SIPA1L1: variants seen among roughly 807,000 people sequenced by gnomAD.
SIPA1L1 encodes the protein signal induced proliferation associated 1 like 1.
In SIPA1L1, 26 loss-of-function variants were observed where a neutral mutation model predicts 162.7. The ratio of observed to expected loss-of-function variants is 0.16; its 90% CI spans 0.12 to 0.22. The LOEUF (loss-of-function observed/expected upper bound fraction) is 0.22, where lower values mean the gene tolerates loss of function less well. Among genes scored for constraint, SIPA1L1 ranks in the 10% least tolerant of loss-of-function variants. The pLI is 1.00. For synonymous variants in SIPA1L1, 829 were observed against 837.4 expected (o/e 0.99, Z 0.17); for missense variants, 1,874 against 2,241.0 (o/e 0.84, Z 3.31).
At chr14:71,424,389 T>C (rs938390002) in intron 2 of SIPA1L1, among the ~76,000 whole-genome samples, 2 of 152,152 alleles carry the variant, frequency 1.3e-5, no homozygotes, top group African/African-American at 4.8e-5. Flanking sequence ...ACTTTCATTA[T>C]AGACATGATG....
At chr14:71,490,111 T>C (rs998071007) in intron 2 of SIPA1L1, among the ~76,000 whole-genome samples, 2 of 152,198 alleles carry the variant, frequency 1.3e-5, no homozygotes, top group African/African-American at 4.8e-5. Context: ...AGTGAACATA[T>C]ATTGAGCTTG....
At position 71,408,048 on chromosome 14, in the gene SIPA1L1, G is replaced by A. The variant is rs566520634; in HGVS notation, c.-465+86867G>A. On this transcript the variant is annotated intron_variant, in intron 2 of 23. Coordinates refer to ENST00000381232, the MANE Select transcript of SIPA1L1 (RefSeq NM_001386936.1). Reference sequence around the variant, plus strand: ...TGATCATGAGATTTTTCCAGGTGATGTGAGTTGTTATTAATGACTTTGATG... The same window carrying A: ...TGATCATGAGATTTTTCCAGGTGATATGAGTTGTTATTAATGACTTTGATG... Among the ~76,000 whole-genome samples the A allele has an allele frequency of 2.6e-5, 4 of 152,340 alleles. No homozygotes were observed. The East Asian group carries it at 5.8e-4, about 22-fold the overall frequency.
At chr14:71,446,906 G>GT (rs1189940440) in intron 2 of SIPA1L1, among the ~76,000 whole-genome samples, 11,499 of 52,888 alleles carry the variant, frequency 0.22, 1,579 homozygotes, top group Admixed American at 0.29. Flanking sequence ...TTTTTTTTTT[G>GT]TTTTTTTTTT....
intron 2 of SIPA1L1, among the ~76,000 whole-genome samples, chr14:71,380,514 G>C (rs1383879724): frequency 6.6e-6 from 1 of 152,212 alleles, no homozygotes; most frequent in Non-Finnish European, 1.5e-5. Context: ...TACTGAAGAA[G>C]TTATATCCTG....
chr14:71,714,618 G>A (rs995393985), intron 17 of SIPA1L1, among the ~76,000 whole-genome samples: 6 of 151,578 alleles, frequency 4.0e-5, no homozygotes, highest in African/African-American at 4.9e-5. Context: ...CCCTCATTCT[G>A]TCACTCAGGC....
intron 7 of SIPA1L1, among the ~76,000 whole-genome samples, chr14:71,633,419 G>C (rs1443834692): frequency 2.0e-5 from 3 of 152,074 alleles, no homozygotes; most frequent in Non-Finnish European, 4.4e-5. Context: ...TGATCCTCCT[G>C]CCTAGGCTTC....
intron 2 of SIPA1L1, among the ~76,000 whole-genome samples, chr14:71,475,926 C>G (rs185953737): frequency 2.6e-5 from 4 of 152,290 alleles, no homozygotes; most frequent in African/African-American, 9.6e-5. Context: ...TGAACCAAGG[C>G]TGGATCATTT....
rs869185692 is a variant in SIPA1L1, at chr14:71,495,905, AAAAAAAAAG to A, written c.-464-16835_-464-16827del. ...TCTCTACAAAAAAAAAAAAAAAAAA[AAAAAAAAAG>A]AAGAAGAAAGAAAAAAAGAATCAGT... On this transcript the variant is annotated intron_variant, in intron 2 of 23. Transcript: ENST00000381232. 9.7e-4 allele frequency among the ~76,000 whole-genome samples: 106 copies of A among 108,778 alleles called. 2 individuals carry two copies. The highest frequency in any genetic ancestry group is 2.0e-3 in the Non-Finnish European group (84 of 41,256). 71.4% of individuals were successfully genotyped at this position (108,778 alleles called of 152,430 possible).
intron 10 of SIPA1L1, among the ~76,000 whole-genome samples, chr14:71,664,258 A>G (rs972030064): frequency 6.6e-5 from 10 of 152,178 alleles, no homozygotes; most frequent in African/African-American, 2.4e-4. Context: ...CCGAACTACT[A>G]GGGATATGAA....
chr14:71,471,998 G>A (rs1225266785), intron 2 of SIPA1L1, among the ~76,000 whole-genome samples: 1 of 152,196 alleles, frequency 6.6e-6, no homozygotes, highest in Non-Finnish European at 1.5e-5. Context: ...TCTTGTGTTT[G>A]TATCGTACCT....
intron 2 of SIPA1L1, among the ~76,000 whole-genome samples, chr14:71,367,970 G>A (rs937066901): frequency 1.3e-5 from 2 of 148,584 alleles, no homozygotes; most frequent in Non-Finnish European, 3.0e-5. Context: ...ATTTATTTCC[G>A]GGGCATTGGG....
Position 71,588,014 on chromosome 14 carries a change from T to C in SIPA1L1, c.142T>C (p.Ser48Pro). The C allele has an allele frequency of 6.2e-7, 1 of 1,614,056 alleles. No homozygotes were observed. Among genetic ancestry groups the C allele is most frequent in the Non-Finnish European group, 8.5e-7 (1 of 1,179,966 alleles). Residue 48 changes from serine to proline, a missense_variant, in exon 5 of 24, where the codon TCA becomes CCA. Coordinates refer to ENST00000381232, the MANE Select transcript of SIPA1L1 (RefSeq NM_001386936.1). This position sits in a 1 kb window ranked among gnomAD's most constrained non-coding sequence, Gnocchi z 4.3. Reference protein sequence around the residue: ...RFRSQNGSLGSSVMAPVGPPR... With the variant: ...RFRSQNGSLGPSVMAPVGPPR... ...CCGGTCCCAAAATGGCAGCTTAGGA[T>C]CATCAGTTATGGCTCCTGTAGGACC... is the stretch of plus-strand genomic sequence containing the variant.
intron 2 of SIPA1L1, among the ~76,000 whole-genome samples, chr14:71,438,379 C>T (rs924432069): frequency 1.3e-5 from 2 of 152,182 alleles, no homozygotes; most frequent in African/African-American, 4.8e-5. Context: ...CTGTGGCCTT[C>T]CTGCTCTTGT....
At chr14:71,552,587 G>A (rs1466583667) in intron 4 of SIPA1L1, among the ~76,000 whole-genome samples, 4 of 151,714 alleles carry the variant, frequency 2.6e-5, no homozygotes, top group Non-Finnish European at 5.9e-5. Flanking sequence ...TAGTAGAGAC[G>A]GGGTTTCACC....
At chr14:71,596,637 G>A (rs879506020) in intron 5 of SIPA1L1, among the ~76,000 whole-genome samples, 3 of 152,032 alleles carry the variant, frequency 2.0e-5, no homozygotes, top group Non-Finnish European at 4.4e-5. Flanking sequence ...ACAGTGTCTG[G>A]AGGAGAACAA....
At chr14:71,519,176 GT>G (rs1209785202) in intron 3 of SIPA1L1, among the ~76,000 whole-genome samples, 17 of 151,990 alleles carry the variant, frequency 1.1e-4, no homozygotes, top group Admixed American at 1.1e-3. Context: ...TGCACCTGTA[GT>G]CCCAGCTACT....
chr14:71,475,750 A>G (rs1039095090), intron 2 of SIPA1L1, among the ~76,000 whole-genome samples: 1 of 152,228 alleles, frequency 6.6e-6, no homozygotes, highest in Non-Finnish European at 1.5e-5. Flanking sequence ...CAGCTGAAAA[A>G]GGGAAGGCGC....
chr14:71,425,184 T>C (rs2043473426), intron 2 of SIPA1L1, among the ~76,000 whole-genome samples: 1 of 152,062 alleles, frequency 6.6e-6, no homozygotes, highest in South Asian at 2.1e-4. Flanking sequence ...TATTTGTCAA[T>C]TTTGTTGATA....
chr14:71,380,848 C>T (rs1287895349), intron 2 of SIPA1L1, among the ~76,000 whole-genome samples: 1 of 152,098 alleles, frequency 6.6e-6, no homozygotes, highest in Non-Finnish European at 1.5e-5. Flanking sequence ...CACTTGAAGA[C>T]CAAAGATCCA....
Sources: gnomAD v4.1 joint callset for allele counts (sites outside exome capture counted in the v4.1 genomes callset) on GRCh38, gnomAD v4.1.1 for gene constraint, Gnocchi (gnomAD v3.1) non-coding constraint, MANE v1.5 for transcripts, NCBI Gene and HGNC (gene_info 2026-07-23, HGNC 2026-07-21) for gene names.